ROS1: variants seen among roughly 807,000 people sequenced by gnomAD.
The protein encoded by ROS1 is proto-oncogene tyrosine-protein kinase ROS.
A neutral mutation model predicts 273.5 loss-of-function variants in ROS1; 263 were observed. That is an observed-to-expected ratio of 0.96 (90% CI 0.87 to 1.06). ROS1 has a LOEUF of 1.06. ROS1 is among the 50% of genes least tolerant of loss of function. The probability of loss-of-function intolerance (pLI) is 0.00; values close to 1 mark genes in which losing one functional copy is unlikely to be tolerated. For synonymous variants in ROS1, 1,008 were observed against 954.1 expected, an observed-to-expected ratio of 1.06 and a Z score of -1.04; for missense variants, 2,833 against 2,751.1, an observed-to-expected ratio of 1.03 and a Z score of -0.67.
intron 13 of ROS1, 94 bp downstream of exon 13, chr6:117,389,256 T>C: frequency 7.8e-6 from 11 of 1,413,362 alleles, no homozygotes; most frequent in Non-Finnish European, 1.1e-5. Context: ...AATAGCCAAA[T>C]GGGGCTCTCA....
intron 2 of ROS1, 150 bp from the exon 3 acceptor site, chr6:117,416,467 G>A (rs1341971476): frequency 1.4e-5 from 9 of 629,668 alleles, no homozygotes; most frequent in Non-Finnish European, 2.3e-5. Context: ...AAAAGATCCA[G>A]GATTTTGGGA....
At chr6:117,341,708 T>C in intron 29 of ROS1, 76 bp from the exon 30 acceptor site, 1 of 1,097,760 alleles carries the variant, frequency 9.1e-7, no homozygotes. Context: ...GGAGTTTGGG[T>C]TGAAGAGTAA....
intron 35 of ROS1, 95 bp from the exon 36 acceptor site, chr6:117,321,489 A>C: frequency 9.9e-7 from 1 of 1,012,300 alleles, no homozygotes; most frequent in Non-Finnish European, 1.5e-6. Context: ...GTTTTTATGC[A>C]AGAACACTAT....
chr6:117,317,154 G>A lies in ROS1; in HGVS notation c.6106C>T (p.Arg2036Trp), dbSNP rs758446263. Residue 2036 changes from arginine (R) to tryptophan (W), a missense_variant, in exon 39 of 44, where the codon CGG (arginine) becomes TGG (tryptophan). By Grantham distance (101) the Arg-to-Trp change is moderately radical. Transcript: ENST00000368507. ...GDLLTYLRKA[R>W]MATFYGPLLT... ...TCCCAACTGCCTACCGTTGCCATCC[G>A]GGCTTTACGCAAATAAGTAAGAAGG... The A allele has an allele frequency of 4.0e-5, 64 of 1,612,650 alleles. No individual in the cohort carries two copies. The highest frequency in any genetic ancestry group is 3.4e-4 in the South Asian group (31 of 90,858).
At position 117,403,073 on chromosome 6, in the gene ROS1, A is replaced by G. The variant is rs956752326; in HGVS notation, c.604+66T>C. 43 of 1,557,924 alleles carry G rather than the reference A, an allele frequency of 2.8e-5. No individual in the cohort carries two copies. In the African/African-American group the frequency reaches 5.6e-4, roughly 20 times the overall value. ...GAATAGATTTATTTCATTGTTTAAA[A>G]TAAAAACAAACTAAATCAAAGCTTT... is the stretch of plus-strand genomic sequence containing the variant. On this transcript the variant is annotated intron_variant, in intron 7 of 43. Transcript: ENST00000368507.
At chr6:117,291,981 T>G (rs1284527495) in intron 43 of ROS1, among the ~76,000 whole-genome samples, 3 of 151,944 alleles carry the variant, frequency 2.0e-5, no homozygotes, top group Non-Finnish European at 2.9e-5. Context: ...TCATTTCTTT[T>G]TTTTTTGAGA....
chr6:117,350,443 G>T (rs889465278), intron 27 of ROS1, among the ~76,000 whole-genome samples: 2 of 151,704 alleles, frequency 1.3e-5, no homozygotes, highest in Admixed American at 1.3e-4. Context: ...TCTGCAGTTT[G>T]AATATGATAG....
intron 27 of ROS1, among the ~76,000 whole-genome samples, chr6:117,352,079 T>C (rs1778911330): frequency 1.3e-5 from 2 of 152,072 alleles, no homozygotes; most frequent in Admixed American, 1.3e-4. Context: ...GGCCATGCAA[T>C]TCTGTTTTTG....
intron 42 of ROS1, 33 bp from the exon 43 acceptor site, chr6:117,301,170 A>G: frequency 1.3e-6 from 2 of 1,539,240 alleles, no homozygotes; most frequent in Non-Finnish European, 1.7e-6. Context: ...GAAAGTAAAT[A>G]GCAATTGGAT....
rs370742029 is a variant in ROS1 at position 117,333,755 on chromosome 6, A to G, written c.5230+3417T>C. On this transcript the variant is annotated intron_variant, in intron 32 of 43. Coordinates refer to ENST00000368507, the MANE Select transcript of ROS1 (RefSeq NM_001378902.1). ...ACAAAAATCACACGATTATCTGAATAGATGCAGAAAAGGCCTTTGATAAAA... is the reference window on the plus strand; with the variant it reads ...ACAAAAATCACACGATTATCTGAATGGATGCAGAAAAGGCCTTTGATAAAA... Among the ~76,000 whole-genome samples, 6 of 152,252 alleles carry G rather than the reference A, an allele frequency of 3.9e-5. No individual in the cohort carries two copies. The East Asian group carries it at 9.6e-4, about 24-fold the overall frequency.
intron 39 of ROS1, 105 bp from the exon 40 acceptor site, chr6:117,311,222 T>C: frequency 1.9e-6 from 1 of 514,358 alleles, no homozygotes. Flanking sequence ...TATGCATGTA[T>C]GTATCTGATG....
intron 7 of ROS1, among the ~76,000 whole-genome samples, chr6:117,400,536 T>C (rs1414419089): frequency 6.6e-6 from 1 of 152,216 alleles, no homozygotes; most frequent in African/African-American, 2.4e-5. Context: ...CAACATTCTG[T>C]ATAAAGGGTG....
chr6:117,408,229 A>G (rs893646722), intron 5 of ROS1, among the ~76,000 whole-genome samples: 2 of 151,942 alleles, frequency 1.3e-5, no homozygotes, highest in African/African-American at 4.8e-5. Flanking sequence ...TAATTAAACT[A>G]AAGAGCTTCT....
intron 12 of ROS1, among the ~76,000 whole-genome samples, chr6:117,392,117 T>G (rs1209863780): frequency 1.3e-5 from 2 of 152,160 alleles, no homozygotes. Context: ...AAAGTTACAT[T>G]TCATAGGACC....
chr6:117,323,215 T>A (rs1184760833), intron 35 of ROS1, among the ~76,000 whole-genome samples: 1 of 152,134 alleles, frequency 6.6e-6, no homozygotes, highest in Non-Finnish European at 1.5e-5. Flanking sequence ...CTGAAGGAGT[T>A]TCACATATTG....
intron 39 of ROS1, among the ~76,000 whole-genome samples, chr6:117,314,606 G>A (rs183557476): frequency 5.3e-4 from 81 of 152,278 alleles, no homozygotes; most frequent in Middle Eastern, 6.8e-3. Context: ...TCCAAGTTCA[G>A]AGATACTACC....
In ROS1 at chr6:117,321,371, G is replaced by T. The variant is rs1191591961; in HGVS notation, c.5647C>A (p.Gln1883Lys). Residue 1883 changes from glutamine (Q) to lysine (K), a missense_variant, in exon 36 of 44, where the codon CAA becomes AAA. Physicochemically the swap from Gln to Lys is moderately conservative, Grantham distance 53 (BLOSUM62 1). Transcript: ENST00000368507. ...GTCACCCCTTCCTTGGCACTTTTTT[G>T]ATTCTTTAATCTTCTATGCCAGACT... ...TFVWHRRLKNQKSAKEGVTVL... is the reference protein window; with the variant it reads ...TFVWHRRLKNKKSAKEGVTVL... 6.2e-7 allele frequency: 1 copy of T among 1,612,380 alleles called. No individual in the cohort carries two copies. The highest frequency in any genetic ancestry group is 2.2e-5 in the East Asian group (1 of 44,834).
chr6:117,316,049 G>C (rs1361894705), intron 39 of ROS1, among the ~76,000 whole-genome samples: 1 of 152,056 alleles, frequency 6.6e-6, no homozygotes, highest in Non-Finnish European at 1.5e-5. Flanking sequence ...TAACTAAATA[G>C]TTCTAATAAT....
rs1396421843 is a variant in ROS1 at position 117,365,207 on chromosome 6, A to G, written c.2959-3T>C. On this transcript the variant is annotated splice_region_variant and splice_polypyrimidine_tract_variant and intron_variant, in intron 20 of 43. Coordinates refer to ENST00000368507, the MANE Select transcript of ROS1 (RefSeq NM_001378902.1). ...GAGTGTTGTTCACTAGCCAAGAACTAAAATATAAACAGAAAACATTATTTT... is the reference window on the plus strand; with the variant it reads ...GAGTGTTGTTCACTAGCCAAGAACTGAAATATAAACAGAAAACATTATTTT... 1.9e-6 allele frequency: 3 copies of G among 1,586,780 alleles called. No individual in the cohort carries two copies. The highest frequency in any genetic ancestry group is 2.6e-6 in the Non-Finnish European group (3 of 1,167,198).
Sources: gnomAD v4.1 joint callset for allele counts (sites outside exome capture counted in the v4.1 genomes callset) on GRCh38, gnomAD v4.1.1 for gene constraint, MANE v1.5 for transcripts, NCBI Gene and HGNC (gene_info 2026-07-23, HGNC 2026-07-21) for gene names.